The following SLC25A48 variants were observed in gnomAD, a reference collection of about 807,000 sequenced individuals.
The protein encoded by SLC25A48 is CTC-321K16.1.
In SLC25A48, 29 loss-of-function variants were observed where a neutral mutation model predicts 32.2. The observed-to-expected ratio is 0.90, with a 90% CI of 0.67 to 1.23. The LOEUF is 1.23. SLC25A48 is among the 50% of genes most tolerant of loss of function. SLC25A48 has a pLI of 0.00. For missense variants in SLC25A48, 399 were observed against 422.7 expected, an observed-to-expected ratio of 0.94 and a Z score of 0.49; for synonymous variants, 164 against 172.3, an observed-to-expected ratio of 0.95 and a Z score of 0.38.
At chr5:135,855,239 C>A (rs1005058699) in intron 4 of SLC25A48, among the ~76,000 whole-genome samples, 1 of 152,098 alleles carries the variant, frequency 6.6e-6, no homozygotes, top group Non-Finnish European at 1.5e-5. Context: ...GTGCCGATAG[C>A]CTTGCTGGAC....
chr5:135,791,284 CATA>C (rs1561494899), intron 3 of SLC25A48, among the ~76,000 whole-genome samples: 1 of 151,656 alleles, frequency 6.6e-6, no homozygotes, highest in African/African-American at 2.4e-5. Context: ...TGATATTATT[CATA>C]ATATCTTAGG....
rs375284168 is a variant in SLC25A48, at chr5:135,592,988, C to T, written c.-849+13391C>T. ...ATGAATATCACTGGCTGCCCTGAACCACCACTGAAGCTCCTGGAGCTCTAG... is the reference window on the plus strand; with the variant it reads ...ATGAATATCACTGGCTGCCCTGAACTACCACTGAAGCTCCTGGAGCTCTAG... On this transcript the variant is annotated intron_variant, in intron 1 of 10. Transcript: ENST00000646290. Among the ~76,000 whole-genome samples, 88 of 152,202 alleles carry T rather than the reference C, an allele frequency of 5.8e-4. 1 individual carries two copies. In the East Asian group the frequency reaches 0.016, roughly 27 times the overall value.
intron 3 of SLC25A48, among the ~76,000 whole-genome samples, chr5:135,736,565 G>A (rs1755365446): frequency 6.6e-6 from 1 of 152,006 alleles, no homozygotes; most frequent in Non-Finnish European, 1.5e-5. Context: ...TTGCCCCTAA[G>A]AAAAGCGGAA....
chr5:135,764,802 C>T (rs778612556), intron 3 of SLC25A48, among the ~76,000 whole-genome samples: 2 of 151,438 alleles, frequency 1.3e-5, no homozygotes, highest in Non-Finnish European at 2.9e-5. Context: ...GGTGATATTA[C>T]TCCCCATATC....
chr5:135,716,961 C>T lies in SLC25A48; in HGVS notation c.-521+82005C>T, dbSNP rs902797742. Reference sequence around the variant, plus strand: ...TTAATACAACAACAACATTGTATACCGGTTTATGTACTATGGGCCTTGGGA... The same window carrying T: ...TTAATACAACAACAACATTGTATACTGGTTTATGTACTATGGGCCTTGGGA... On this transcript the variant is annotated intron_variant, in intron 3 of 10. Coordinates refer to the SLC25A48 transcript ENST00000646290. Among the ~76,000 whole-genome samples the T allele has an allele frequency of 3.9e-5, 6 of 152,278 alleles. No individual in the cohort carries two copies. The South Asian group carries it at 1.2e-3, about 32-fold the overall frequency.
chr5:135,633,984 C>T (rs781302408), intron 2 of SLC25A48, among the ~76,000 whole-genome samples: 3 of 152,154 alleles, frequency 2.0e-5, no homozygotes, highest in Non-Finnish European at 4.4e-5. Context: ...GCATTTCTCC[C>T]AGAGCTTGAG....
intron 4 of SLC25A48, among the ~76,000 whole-genome samples, chr5:135,870,852 T>C (rs932830009): frequency 6.6e-6 from 1 of 152,016 alleles, no homozygotes; most frequent in Non-Finnish European, 1.5e-5. Context: ...AAGGTAAATT[T>C]CGAATTATTT....
chr5:135,654,308 G>A (rs1441286028), intron 3 of SLC25A48, among the ~76,000 whole-genome samples: 2 of 152,182 alleles, frequency 1.3e-5, no homozygotes, highest in East Asian at 1.9e-4. Context: ...GCAACCAGCC[G>A]TAGCTAAGGG....
rs1761872773 is a variant in SLC25A48, at chr5:135,874,136, C to T, written c.795C>T (p.Tyr265=). ...KGVLDCISQS[Y]QKEGLKVFFR... The stretch of plus-strand genomic sequence containing the variant: ...TCCTGGACTGTATCTCCCAGAGTTA[C>T]CAGAAGGAAGGTCTTAAAGTAAGCC... The change falls in exon 6 of 8, where the codon TAC becomes TAT. Residue 265 remains tyrosine (Y), a synonymous_variant. Coordinates refer to ENST00000681962, the MANE Select transcript of SLC25A48 (RefSeq NM_001349336.2). The T allele has an allele frequency of 6.8e-7, 1 of 1,474,916 alleles. No individual in the cohort carries two copies. The highest frequency in any genetic ancestry group is 8.9e-7 in the Non-Finnish European group (1 of 1,122,400). The allele number at this position is 1,474,916 out of a possible 1,614,324, so 91.4% of individuals were successfully genotyped here. A position where few individuals can be genotyped will look rare whatever the true frequency, so the allele number is the denominator to read the frequency against.
chr5:135,799,428 G>A (rs908764465), intron 3 of SLC25A48, among the ~76,000 whole-genome samples: 2 of 151,364 alleles, frequency 1.3e-5, no homozygotes, highest in South Asian at 2.1e-4. Context: ...TGCCCGGTGG[G>A]GGGAGAAGAT....
chr5:135,634,536 A>G (rs576106711), intron 2 of SLC25A48, among the ~76,000 whole-genome samples: 27 of 152,342 alleles, frequency 1.8e-4, no homozygotes, highest in African/African-American at 6.5e-4. Flanking sequence ...CCCTAGGGAA[A>G]CAAGACAAAC....
chr5:135,864,271 C>T (rs945354146), intron 4 of SLC25A48, among the ~76,000 whole-genome samples: 8 of 152,164 alleles, frequency 5.3e-5, no homozygotes, highest in African/African-American at 1.9e-4. Flanking sequence ...CTCTGAGGCC[C>T]TGAGTGCATC....
intron 4 of SLC25A48, among the ~76,000 whole-genome samples, chr5:135,814,060 T>A (rs899447120): frequency 2.0e-5 from 3 of 152,166 alleles, no homozygotes; most frequent in Admixed American, 6.5e-5. Context: ...TTGGGGATAT[T>A]TTCCCCCCAT....
chr5:135,786,676 TG>T (rs1026316705), intron 3 of SLC25A48, among the ~76,000 whole-genome samples: 39 of 152,248 alleles, frequency 2.6e-4, no homozygotes, highest in Non-Finnish European at 4.9e-4. Context: ...AATGTCACAG[TG>T]GGTGTTCACC....
chr5:135,580,262 A>G (rs1353200539), intron 1 of SLC25A48, among the ~76,000 whole-genome samples: 4 of 152,168 alleles, frequency 2.6e-5, no homozygotes, highest in Non-Finnish European at 4.4e-5. Flanking sequence ...CTGTCCCTGG[A>G]CCACTCTGTT....
chr5:135,611,553 GA>G (rs1214444746), intron 1 of SLC25A48, among the ~76,000 whole-genome samples: 2,776 of 70,862 alleles, frequency 0.039, 82 homozygotes, highest in African/African-American at 0.13. Flanking sequence ...AGAAAAAAAA[GA>G]AAAAAAAATA....
rs112815332 is a variant in SLC25A48, at chr5:135,852,705, C to T, written c.305C>T (p.Thr102Met). 567 of 1,614,164 alleles carry T rather than the reference C, an allele frequency of 3.5e-4. 3 individuals are homozygous for T. In the African/African-American group the frequency reaches 6.7e-3, roughly 19 times the overall value. ...CGEPEASPPR[T>M]LSDLLLASMV... ...GAGCCAGAGGCCAGTCCTCCCCGCA[C>T]GCTGTCAGACCTGCTCCTGGCCAGC... is the stretch of plus-strand genomic sequence containing the variant. The change falls in exon 4 of 8, where the codon ACG becomes ATG. Residue 102 changes from threonine to methionine, a missense_variant. Physicochemically the swap from Thr to Met is moderately conservative, Grantham distance 81. Transcript: ENST00000681962.
At chr5:135,876,377 A>G (rs922246117) in intron 6 of SLC25A48, 11 of 152,132 alleles carry the variant, frequency 7.2e-5, no homozygotes, top group African/African-American at 2.7e-4. Flanking sequence ...CCTGGAAGTC[A>G]GCTGAGGTCA....
At chr5:135,695,435 G>A (rs1217584880) in intron 3 of SLC25A48, among the ~76,000 whole-genome samples, 1 of 152,224 alleles carries the variant, frequency 6.6e-6, no homozygotes, top group East Asian at 1.9e-4. Flanking sequence ...GGGTTTCCTG[G>A]GATCAGATAA....
Sources: allele counts gnomAD v4.1 joint callset (sites outside exome capture counted in the v4.1 genomes callset), GRCh38; gene constraint gnomAD v4.1.1; transcripts MANE v1.5; gene names NCBI Gene and HGNC (gene_info 2026-07-23, HGNC 2026-07-21).